DHRSX: variants seen among roughly 807,000 people sequenced by gnomAD.
The protein encoded by DHRSX is dehydrogenase/reductase X-linked, also known as polyprenol dehydrogenase.
Under a neutral mutation model 34.0 loss-of-function variants are expected in DHRSX, and 31 were observed. The observed-to-expected ratio is 0.91, with a 90% CI of 0.69 to 1.23. DHRSX has a LOEUF of 1.23. DHRSX is among the 50% of genes most tolerant of loss of function. The pLI, the probability that DHRSX is intolerant of heterozygous loss-of-function variation, is 0.00. For missense variants in DHRSX, 414 were observed against 428.1 expected, an observed-to-expected ratio of 0.97 and a Z score of 0.29; for synonymous variants, 201 against 183.8, an observed-to-expected ratio of 1.09 and a Z score of -0.76.
intron 1 of DHRSX, among the ~76,000 whole-genome samples, chrX:2,497,002 TTC>T (rs1282126574): frequency 4.6e-5 from 7 of 152,204 alleles, no homozygotes; most frequent in African/African-American, 9.6e-5. Context: ...TGTTTTAAAT[TTC>T]TGTTTTAATG....
chrX:2,350,893 T>G (rs28570312), intron 3 of DHRSX, among the ~76,000 whole-genome samples: 1 of 152,000 alleles, frequency 6.6e-6, no homozygotes, highest in Non-Finnish European at 1.5e-5. Context: ...TGGAATACTA[T>G]GCAGCCATAA....
At chrX:2,282,603 A>AGAGAAGAAAGAGGGGAGG (rs1556449185) in intron 4 of DHRSX, among the ~76,000 whole-genome samples, 2,230 of 131,148 alleles carry the variant, frequency 0.017, 53 homozygotes, top group Non-Finnish European at 0.029. Context: ...AAGAGGGGAG[A>AGAGAAGAAAGAGGGGAGG]GAGAAGAAAG....
chrX:2,310,085 G>A (rs1337325717), intron 3 of DHRSX, among the ~76,000 whole-genome samples: 2 of 152,036 alleles, frequency 1.3e-5, no homozygotes, highest in Non-Finnish European at 2.9e-5. Context: ...ATAAATTCAC[G>A]AGTGTCTTGG....
At chrX:2,321,136 A>G (rs757970818) in intron 3 of DHRSX, among the ~76,000 whole-genome samples, 12 of 152,210 alleles carry the variant, frequency 7.9e-5, no homozygotes, top group African/African-American at 2.9e-4. Flanking sequence ...GCCTAAGTAT[A>G]TCTTCATGCC....
intron 3 of DHRSX, among the ~76,000 whole-genome samples, chrX:2,365,019 T>C (rs1339342509): frequency 1.3e-5 from 2 of 152,194 alleles, no homozygotes; most frequent in African/African-American, 2.4e-5. Context: ...GGCATATCTA[T>C]CTATCTATCT....
Position 2,261,264 on chromosome X carries a change from CCTTT to C in DHRSX, c.596+5472_596+5475del, listed in dbSNP as rs759627785. 5 of 152,014 alleles carry C rather than the reference CCTTT, an allele frequency of 3.3e-5. No individual in the cohort carries two copies. The East Asian group carries it at 7.7e-4, about 24-fold the overall frequency. The allele number at this position is 152,014 out of a possible 1,614,324, so 9.4% of individuals were successfully genotyped here. The stretch of plus-strand genomic sequence containing the variant: ...TGGCATATAAGCAATACCGTCAAAG[CCTTT>C]CTTTAATATGTGTTTTTATAGGAAT... On this transcript the variant is annotated intron_variant, in intron 5 of 6. Transcript: ENST00000334651.
chrX:2,403,811 A>C (rs140625537), intron 3 of DHRSX, among the ~76,000 whole-genome samples: 6 of 150,400 alleles, frequency 4.0e-5, no homozygotes, highest in Non-Finnish European at 8.9e-5. Flanking sequence ...AGCCGAGATC[A>C]CACCACTGCA....
intron 3 of DHRSX, among the ~76,000 whole-genome samples, chrX:2,307,502 G>A (rs989512490): frequency 2.5e-4 from 38 of 152,184 alleles, no homozygotes; most frequent in Middle Eastern, 3.4e-3. Flanking sequence ...GGTGGCTCAC[G>A]CCTGTAATCC....
intron 3 of DHRSX, among the ~76,000 whole-genome samples, chrX:2,367,109 A>G (rs2043002804): frequency 6.6e-6 from 1 of 152,068 alleles, no homozygotes; most frequent in South Asian, 2.1e-4. Context: ...AATGGCTAAA[A>G]CTACAATCTT....
chrX:2,323,372 C>G (rs2042336602), intron 3 of DHRSX, among the ~76,000 whole-genome samples: 1 of 152,132 alleles, frequency 6.6e-6, no homozygotes, highest in Non-Finnish European at 1.5e-5. Context: ...TGTGGACATA[C>G]TCTCCATCTG....
At chrX:2,264,707 C>G (rs989106484) in intron 5 of DHRSX, among the ~76,000 whole-genome samples, 13 of 150,150 alleles carry the variant, frequency 8.7e-5, no homozygotes, top group Non-Finnish European at 1.3e-4. Context: ...CCAGTAGACA[C>G]AGAGAGCAGT....
chrX:2,490,056 C>A, intron 1 of DHRSX: 1 of 1,613,698 alleles, frequency 6.2e-7, no homozygotes, highest in South Asian at 1.1e-5. Flanking sequence ...CAGTTGGGGG[C>A]GCCCAGGCCC....
In DHRSX at chrX:2,246,748, G is replaced by GAAAGAAAGAGAA. The variant is rs776138629; in HGVS notation, c.597-3519_597-3518insTTCTCTTTCTTT. On this transcript the variant is annotated intron_variant, in intron 5 of 6. Coordinates refer to ENST00000334651, the MANE Select transcript of DHRSX (RefSeq NM_145177.3). ...AGAAAGAAAGAAAGAAAGAAAGAAAGAAAAAGAAAGAAAATAAAAGAATAG... is the reference window on the plus strand; with the variant it reads ...AGAAAGAAAGAAAGAAAGAAAGAAAGAAAGAAAGAGAAAAAAAGAAAGAAAATAAAAGAATAG... 6.7e-5 allele frequency among the ~76,000 whole-genome samples: 7 copies of GAAAGAAAGAGAA among 103,880 alleles called. No homozygotes were observed. In the South Asian group the frequency reaches 1.2e-3, roughly 18 times the overall value. 68.1% of individuals were successfully genotyped at this position (103,880 alleles called of 152,430 possible).
intron 3 of DHRSX, among the ~76,000 whole-genome samples, chrX:2,353,727 G>T (rs2042815351): frequency 1.3e-5 from 2 of 150,186 alleles, no homozygotes; most frequent in South Asian, 4.2e-4. Context: ...GGGACTACAG[G>T]CATGCACCAC....
chrX:2,251,635 G>C (rs1409249052), intron 5 of DHRSX, among the ~76,000 whole-genome samples: 2 of 152,150 alleles, frequency 1.3e-5, no homozygotes, highest in Non-Finnish European at 2.9e-5. Context: ...TGGCAAAACT[G>C]CTGGAGAGTG....
intron 1 of DHRSX, among the ~76,000 whole-genome samples, chrX:2,499,604 C>T (rs1569351877): frequency 1.3e-5 from 2 of 151,658 alleles, no homozygotes; most frequent in South Asian, 2.1e-4. Flanking sequence ...GATGCCATCT[C>T]TACAAAAAAT....
intron 1 of DHRSX, among the ~76,000 whole-genome samples, chrX:2,475,457 G>A (rs750752950): frequency 6.7e-6 from 1 of 149,846 alleles, no homozygotes; most frequent in South Asian, 2.1e-4. Flanking sequence ...ACAAGGGACC[G>A]CCGCCCTGTG....
At chrX:2,477,377 C>T (rs1402011553) in intron 1 of DHRSX, among the ~76,000 whole-genome samples, 1 of 152,076 alleles carries the variant, frequency 6.6e-6, no homozygotes, top group Non-Finnish European at 1.5e-5. Context: ...ACACGGGTGA[C>T]CCCAGAAACA....
At chrX:2,312,561 C>T (rs371506340) in intron 3 of DHRSX, among the ~76,000 whole-genome samples, 13 of 151,754 alleles carry the variant, frequency 8.6e-5, no homozygotes, top group African/African-American at 2.9e-4. Flanking sequence ...ACATCACACA[C>T]AGGGGTCTTT....
Sources: allele counts gnomAD v4.1 joint callset (sites outside exome capture counted in the v4.1 genomes callset), GRCh38; gene constraint gnomAD v4.1.1; transcripts MANE v1.5; gene names NCBI Gene and HGNC (gene_info 2026-07-23, HGNC 2026-07-21).